SOX6: variants seen among roughly 807,000 people sequenced by gnomAD.
The protein encoded by SOX6 is transcription factor SOX-6.
A neutral mutation model predicts 97.8 loss-of-function variants in SOX6; 11 were observed. The ratio of observed to expected loss-of-function variants is 0.11; its 90% CI spans 0.07 to 0.19. The LOEUF is 0.19. Among genes scored for constraint, SOX6 ranks in the 10% least tolerant of loss-of-function variants. SOX6 has a pLI of 1.00. For synonymous variants in SOX6, 360 were observed against 371.4 expected (o/e 0.97, Z 0.35); for missense variants, 810 against 1,039.5 (o/e 0.78, Z 3.04).
At chr11:16,647,737 C>A (rs1183021120) in intron 3 of SOX6, among the ~76,000 whole-genome samples, 2 of 152,170 alleles carry the variant, frequency 1.3e-5, no homozygotes. Context: ...CCACTGGGGA[C>A]TCTTAAAATT....
At chr11:16,687,154 T>C (rs900005350) in intron 3 of SOX6, among the ~76,000 whole-genome samples, 1 of 152,082 alleles carries the variant, frequency 6.6e-6, no homozygotes, top group Non-Finnish European at 1.5e-5. Flanking sequence ...TACTTGAGAC[T>C]GAGTAATTTA....
At chr11:16,325,952 C>T (rs1425305001) in intron 2 of SOX6, among the ~76,000 whole-genome samples, 1 of 152,140 alleles carries the variant, frequency 6.6e-6, no homozygotes, top group Non-Finnish European at 1.5e-5. Context: ...GTCTTGGAAG[C>T]AGAGACTGGG....
chr11:15,967,873 A>G lies in SOX6; in HGVS notation c.*4936T>C, dbSNP rs1306945927. ...CTGATTAGAAGAGTTATCTGCATTAAGCATTACCTTTCTGCCCCCACCCCG... is the reference window on the plus strand; with the variant it reads ...CTGATTAGAAGAGTTATCTGCATTAGGCATTACCTTTCTGCCCCCACCCCG... On this transcript the variant is annotated 3_prime_UTR_variant, in exon 16 of 16. Transcript: ENST00000683767. 1 of 152,176 alleles carries G rather than the reference A, an allele frequency of 6.6e-6. No individual in the cohort carries two copies. The highest frequency in any genetic ancestry group is 2.4e-5 in the African/African-American group (1 of 41,426). 9.4% of individuals were successfully genotyped at this position (152,176 alleles called of 1,614,324 possible).
At chr11:16,123,650 C>T (rs74616309) in intron 6 of SOX6, among the ~76,000 whole-genome samples, 1,613 of 151,962 alleles carry the variant, frequency 0.011, 26 homozygotes, top group African/African-American at 0.037. Context: ...ACCTGCAACC[C>T]CTGACCTCCA....
chr11:16,645,950 C>G (rs1849007253), intron 3 of SOX6: 1 of 152,056 alleles, frequency 6.6e-6, no homozygotes, highest in Non-Finnish European at 1.5e-5. Context: ...AAAACAAACT[C>G]AATGGCTTAA....
chr11:16,258,411 G>A (rs989770582), intron 3 of SOX6, among the ~76,000 whole-genome samples: 8 of 151,826 alleles, frequency 5.3e-5, no homozygotes, highest in Non-Finnish European at 1.0e-4. Context: ...ATGAAAAGAC[G>A]CGAAGGAAAC....
chr11:16,335,475 C>T (rs541449552), intron 2 of SOX6, among the ~76,000 whole-genome samples: 12 of 152,216 alleles, frequency 7.9e-5, no homozygotes, highest in Non-Finnish European at 1.6e-4. Context: ...ACCAAGTGAA[C>T]GAGTGGGTTT....
At chr11:16,153,338 C>T (rs551291740) in intron 6 of SOX6, among the ~76,000 whole-genome samples, 1 of 152,198 alleles carries the variant, frequency 6.6e-6, no homozygotes, top group South Asian at 2.1e-4. Context: ...AAAAAAGTCA[C>T]AGCCTTGGGA....
chr11:16,269,495 TATAAAAATTTAAAAATTATAAATTA>T (rs1392776682), intron 3 of SOX6, among the ~76,000 whole-genome samples: 1 of 150,740 alleles, frequency 6.6e-6, no homozygotes, highest in Non-Finnish European at 1.5e-5. Flanking sequence ...ATTATAAATT[TATAAAAATTTAAAAATTATAAATTA>T]ACTTATAAAT....
intron 6 of SOX6, among the ~76,000 whole-genome samples, chr11:16,139,817 T>C (rs1243962745): frequency 6.6e-6 from 1 of 151,820 alleles, no homozygotes; most frequent in South Asian, 2.1e-4. Flanking sequence ...TATATAGATA[T>C]GGACATATAT....
rs117536111 is a variant in SOX6, at chr11:16,216,171, A to G, written c.535+18411T>C. Among the ~76,000 whole-genome samples, 7 of 152,322 alleles carry G rather than the reference A, an allele frequency of 4.6e-5. No homozygotes were observed. The East Asian group carries it at 1.3e-3, about 29-fold the overall frequency. On this transcript the variant is annotated intron_variant, in intron 4 of 15. Transcript: ENST00000683767. ...AAATACACAAAATCACTGTGATACA[A>G]AGTATTTGCCCAAAAAATGTTAGTC...
exon 4 of SOX6, chr11:16,612,103 GAGAA>G (rs1352429602): frequency 6.5e-6 from 1 of 152,700 alleles, no homozygotes; most frequent in Non-Finnish European, 1.5e-5. Context: ...CAGGCTGCGG[GAGAA>G]AAGCTGTTTG....
intron 6 of SOX6, among the ~76,000 whole-genome samples, chr11:16,178,190 A>G (rs1479015896): frequency 6.6e-6 from 1 of 152,028 alleles, no homozygotes; most frequent in Non-Finnish European, 1.5e-5. Flanking sequence ...CAAACAGTCT[A>G]GCATGACTAA....
intron 3 of SOX6, among the ~76,000 whole-genome samples, chr11:16,252,002 A>G (rs1039271647): frequency 3.4e-5 from 5 of 148,462 alleles, no homozygotes; most frequent in African/African-American, 9.9e-5. Flanking sequence ...AAAAAAAAAG[A>G]ACTCTCAGCA....
At chr11:16,474,397 C>G (rs1860198282) in intron 1 of SOX6, among the ~76,000 whole-genome samples, 2 of 152,194 alleles carry the variant, frequency 1.3e-5, no homozygotes, top group Non-Finnish European at 2.9e-5. Context: ...ATGGCAACTA[C>G]AGCCTTACAA....
chr11:16,656,857 A>G (rs1215616231), intron 3 of SOX6, among the ~76,000 whole-genome samples: 3 of 152,222 alleles, frequency 2.0e-5, no homozygotes, highest in African/African-American at 7.2e-5. Flanking sequence ...CAGACGAGAA[A>G]GAAAGTTCTC....
intron 3 of SOX6, chr11:16,312,760 T>A (rs948546127): frequency 6.6e-6 from 1 of 152,302 alleles, no homozygotes; most frequent in African/African-American, 2.4e-5. Flanking sequence ...AAAGTATTCA[T>A]TTTCTGTCGC....
intron 4 of SOX6, among the ~76,000 whole-genome samples, chr11:16,524,256 AG>A (rs1209927477): frequency 6.6e-6 from 1 of 151,928 alleles, no homozygotes; most frequent in Non-Finnish European, 1.5e-5. Context: ...CGAATCCAGC[AG>A]CACATCAAAA....
In SOX6 at chr11:15,966,827, C is replaced by T. The variant is rs116798912; in HGVS notation, c.*5982G>A. ...TTATTCAATGTTGAGCTTTATCTCACGTCAATACTGCACAACAAAATCCAA... is the reference window on the plus strand; with the variant it reads ...TTATTCAATGTTGAGCTTTATCTCATGTCAATACTGCACAACAAAATCCAA... On this transcript the variant is annotated 3_prime_UTR_variant, in exon 16 of 16. Coordinates refer to ENST00000683767, the MANE Select transcript of SOX6 (RefSeq NM_001367873.1). The T allele has an allele frequency of 2.6e-5, 4 of 152,292 alleles. No individual in the cohort carries two copies. Among genetic ancestry groups the T allele is most frequent in the East Asian group, 3.9e-4 (2 of 5,186 alleles). The allele number at this position is 152,292 out of a possible 1,614,324, so 9.4% of individuals were successfully genotyped here.
Sources: allele counts gnomAD v4.1 joint callset (sites outside exome capture counted in the v4.1 genomes callset), GRCh38; gene constraint gnomAD v4.1.1; transcripts MANE v1.5; gene names NCBI Gene and HGNC (gene_info 2026-07-23, HGNC 2026-07-21).